The following CLN6 variants were observed in gnomAD, a reference collection of about 807,000 sequenced individuals.
CLN6 encodes CLN6 transmembrane ER protein.
CLN6 carries 22 observed loss-of-function variants against 33.3 expected under a neutral mutation model. The ratio of observed to expected loss-of-function variants is 0.66; its 90% CI spans 0.47 to 0.94. The LOEUF (loss-of-function observed/expected upper bound fraction) is 0.94. Ranked by LOEUF, CLN6 falls within the 40% of genes least tolerant of loss-of-function variation. The pLI, the probability that CLN6 is intolerant of heterozygous loss-of-function variation, is 0.00. For missense variants in CLN6, 387 were observed against 417.1 expected (o/e 0.93, Z 0.63); for synonymous variants, 201 against 174.6 (o/e 1.15, Z -1.19).
At chr15:68,244,883 G>C (rs1057378872) in intron 1 of CLN6, among the ~76,000 whole-genome samples, 5 of 151,980 alleles carry the variant, frequency 3.3e-5, no homozygotes, top group Admixed American at 3.3e-4. Context: ...GTGAAACGCT[G>C]TCTCTACTAA....
Position 68,236,329 on chromosome 15 carries a change from A to T in CLN6, c.180-17679T>A, listed in dbSNP as rs1292051537. Among the ~76,000 whole-genome samples the T allele has an allele frequency of 2.6e-5, 4 of 152,250 alleles. No homozygotes were observed. The highest frequency in any genetic ancestry group is 2.9e-5 in the Non-Finnish European group (2 of 68,036). ...ATGAATGTTCATAGGAGCATTATTC[A>T]TAATAGCCAACAAGTGAGAACAACT... is the stretch of plus-strand genomic sequence containing the variant. On this transcript the variant is annotated intron_variant, in intron 1 of 6. Coordinates refer to the CLN6 transcript ENST00000538696. The surrounding 1 kb of genome is among the most constrained non-coding windows in gnomAD (Gnocchi z 4.5).
Position 68,211,213 on chromosome 15 carries a change from C to T in CLN6, c.542+50G>A, listed in dbSNP as rs1364787801. 6.6e-7 allele frequency: 1 copy of T among 1,524,010 alleles called. No homozygotes were observed. The allele number at this position is 1,524,010 out of a possible 1,614,324, so 94.4% of individuals were successfully genotyped here. A position where few individuals can be genotyped will look rare whatever the true frequency, so the allele number is the denominator to read the frequency against. Reference sequence around the variant, plus strand: ...GTGTGTCCCTGAGCCAGTGACAGGGCTAGCCGGTAGTTGGGGCCCCTGGGA... The same window carrying T: ...GTGTGTCCCTGAGCCAGTGACAGGGTTAGCCGGTAGTTGGGGCCCCTGGGA... On this transcript the variant is annotated intron_variant, in intron 5 of 6. Coordinates refer to ENST00000249806, the MANE Select transcript of CLN6 (RefSeq NM_017882.3). This position sits in a 1 kb window ranked among gnomAD's most constrained non-coding sequence, Gnocchi z 5.9.
intron 1 of CLN6, among the ~76,000 whole-genome samples, chr15:68,238,369 A>T (rs1381557303): frequency 6.6e-6 from 1 of 151,718 alleles, no homozygotes; most frequent in Non-Finnish European, 1.5e-5. Flanking sequence ...GCGCCACTGC[A>T]CTCCAGCTGG....
intron 1 of CLN6, among the ~76,000 whole-genome samples, chr15:68,218,958 G>A (rs966868011): frequency 2.6e-5 from 4 of 152,188 alleles, no homozygotes; most frequent in Non-Finnish European, 5.9e-5. Flanking sequence ...GGACGCAATC[G>A]TGGCTGAAAA....
Position 68,211,187 on chromosome 15 carries a change from AGT to A in CLN6, c.542+74_542+75del, listed in dbSNP as rs2093203854. 8.0e-6 allele frequency: 10 copies of A among 1,250,912 alleles called. No homozygotes were observed. The Admixed American group carries it at 1.5e-4, about 19-fold the overall frequency. The allele number at this position is 1,250,912 out of a possible 1,614,324, so 77.5% of individuals were successfully genotyped here. On this transcript the variant is annotated intron_variant, in intron 5 of 6. Transcript: ENST00000249806. This position sits in a 1 kb window ranked among gnomAD's most constrained non-coding sequence, Gnocchi z 5.9. ...ACCCGCAGCCCAGACAGCCTTGCTC[AGT>A]GTGTCCCTGAGCCAGTGACAGGGCT...
upstream of CLN6, chr15:68,257,121 G>C (rs1031398406): frequency 2.2e-5 from 8 of 358,990 alleles, no homozygotes; most frequent in Admixed American, 4.6e-5. Context: ...GCCTCTCCCC[G>C]CCAGCGAGCG....
In CLN6 at chr15:68,210,040, G is replaced by T. The variant is rs982350623; in HGVS notation, c.543-281C>A. On this transcript the variant is annotated intron_variant, in intron 5 of 6. Transcript: ENST00000249806. This position sits in a 1 kb window ranked among gnomAD's most constrained non-coding sequence, Gnocchi z 5.6. ...CACTCCGTGGGGGTAAGGGGTGTCT[G>T]GGGGGTTGTCTGTCTCATGCACCGC... 2.6e-5 allele frequency among the ~76,000 whole-genome samples: 4 copies of T among 152,176 alleles called. No individual in the cohort carries two copies. Among genetic ancestry groups the T allele is most frequent in the Non-Finnish European group, 5.9e-5 (4 of 68,028 alleles).
At chr15:68,243,859 C>G (rs1198455816) in intron 1 of CLN6, among the ~76,000 whole-genome samples, 1 of 151,054 alleles carries the variant, frequency 6.6e-6, no homozygotes, top group Non-Finnish European at 1.5e-5. Context: ...GTCAGGAGAT[C>G]GAGACCATCC....
At chr15:68,223,423 C>T (rs1381170990) in intron 1 of CLN6, among the ~76,000 whole-genome samples, 1 of 152,144 alleles carries the variant, frequency 6.6e-6, no homozygotes, top group Non-Finnish European at 1.5e-5. Context: ...GAGGCCCCAC[C>T]CAGCTCCTTC....
intron 1 of CLN6, among the ~76,000 whole-genome samples, chr15:68,225,799 G>A (rs906649046): frequency 1.4e-4 from 21 of 151,750 alleles, no homozygotes; most frequent in African/African-American, 4.4e-4. Context: ...ACGGTGAAAC[G>A]TCATCTCTAC....
rs1459113887 is a variant in CLN6, at chr15:68,227,373, G to T, written c.83+2129C>A. Among the ~76,000 whole-genome samples, 5 of 152,182 alleles carry T rather than the reference G, an allele frequency of 3.3e-5. No homozygotes were observed. The highest frequency in any genetic ancestry group is 5.9e-5 in the Non-Finnish European group (4 of 68,022). On this transcript the variant is annotated intron_variant, in intron 1 of 6. Transcript: ENST00000249806. This position sits in a 1 kb window ranked among gnomAD's most constrained non-coding sequence, Gnocchi z 4.1. The stretch of plus-strand genomic sequence containing the variant: ...CACTTTCATTATAATACAAAAACTG[G>T]CAACAAAGCAGGTGGACGTTGGAAT...
chr15:68,229,872 G>A (rs937243313), upstream of CLN6: 3 of 249,640 alleles, frequency 1.2e-5, no homozygotes, highest in Non-Finnish European at 7.4e-6. Flanking sequence ...CTGCTGGCCT[G>A]TCCGGGCTGC....
rs1419903827 is a variant in CLN6 at position 68,209,737 on chromosome 15, G to A, written c.565C>T (p.Leu189Phe). ...CMWYIPFFLILFMYFSGCFTA... is the reference protein window; with the variant it reads ...CMWYIPFFLIFFMYFSGCFTA... ...AAGCAGCCGCTGAAGTACATGAAGA[G>A]GATGAGGAAGAAGGGGATGTACCTG... The change falls in exon 6 of 7, where the codon CTC becomes TTC. Residue 189 changes from leucine to phenylalanine, a missense_variant. By Grantham distance (22) the Leu-to-Phe change is conservative (BLOSUM62 0). Coordinates refer to ENST00000249806, the MANE Select transcript of CLN6 (RefSeq NM_017882.3). The surrounding 1 kb of genome is among the most constrained non-coding windows in gnomAD (Gnocchi z 4.9). 3.1e-6 allele frequency: 5 copies of A among 1,613,582 alleles called. No homozygotes were observed. In the Admixed American group the frequency reaches 5.0e-5, roughly 16 times the overall value.
intron 1 of CLN6, among the ~76,000 whole-genome samples, chr15:68,221,460 G>A (rs1375455714): frequency 6.6e-6 from 1 of 152,010 alleles, no homozygotes; most frequent in Non-Finnish European, 1.5e-5. Flanking sequence ...TCCAGCTCTT[G>A]ACCTCGAGTG....
At chr15:68,216,810 G>A (rs772337188) in intron 2 of CLN6, among the ~76,000 whole-genome samples, 6 of 152,138 alleles carry the variant, frequency 3.9e-5, no homozygotes, top group East Asian at 1.9e-4. Context: ...ATATCCCTAC[G>A]GGCAGATTCT....
Position 68,242,042 on chromosome 15 carries a change from A to G in CLN6, c.179+14648T>C, listed in dbSNP as rs1039015233. ...AATGCAAAGATGTAGATGTATATCC[A>G]CAAGAAATAACAGGAAACAGGAAAC... On this transcript the variant is annotated intron_variant, in intron 1 of 6. Coordinates refer to the CLN6 transcript ENST00000538696. The surrounding 1 kb of genome is among the most constrained non-coding windows in gnomAD (Gnocchi z 5.0). Among the ~76,000 whole-genome samples, 1 of 152,218 alleles carries G rather than the reference A, an allele frequency of 6.6e-6. No individual in the cohort carries two copies. Among genetic ancestry groups the G allele is most frequent in the Non-Finnish European group, 1.5e-5 (1 of 68,036 alleles).
chr15:68,238,604 T>C (rs760963981), intron 1 of CLN6, among the ~76,000 whole-genome samples: 2 of 152,156 alleles, frequency 1.3e-5, no homozygotes, highest in Admixed American at 6.5e-5. Context: ...TAACCCAGAA[T>C]TGTGTGCCAG....
intron 1 of CLN6, among the ~76,000 whole-genome samples, chr15:68,225,452 G>A (rs906683360): frequency 6.6e-6 from 1 of 152,190 alleles, no homozygotes; most frequent in Non-Finnish European, 1.5e-5. Flanking sequence ...GGTGAGGAAA[G>A]CTAAAGTTTA....
Position 68,218,565 on chromosome 15 carries a change from C to T in CLN6, c.169G>A (p.Val57Ile), listed in dbSNP as rs1438159729. ...LWFYFTLQNW[V>I]LDFGRPIAML... ...GCAATGGGACGCCCAAAGTCCAGAA[C>T]CCAGTTCTGCAGTGTGAAGTAGAAC... The change falls in exon 2 of 7, where the codon GTT becomes ATT. Residue 57 changes from valine to isoleucine, a missense_variant. Val to Ile is a conservative substitution (Grantham distance 29). Transcript: ENST00000249806. The T allele has an allele frequency of 6.2e-7, 1 of 1,613,832 alleles. No homozygotes were observed. Among genetic ancestry groups the T allele is most frequent in the Non-Finnish European group, 8.5e-7 (1 of 1,179,906 alleles).
Sources: allele counts gnomAD v4.1 joint callset (sites outside exome capture counted in the v4.1 genomes callset), GRCh38; gene constraint gnomAD v4.1.1; non-coding constraint Gnocchi (gnomAD v3.1); transcripts MANE v1.5; gene names NCBI Gene and HGNC (gene_info 2026-07-23, HGNC 2026-07-21).